Variants in GMDS observed in about 807,000 individuals in gnomAD.
The protein encoded by GMDS is GDP-mannose 4,6 dehydratase.
Under a neutral mutation model 49.9 loss-of-function variants are expected in GMDS, and 20 were observed. The observed-to-expected ratio is 0.40, with a 90% CI of 0.28 to 0.58. The LOEUF is 0.58. Ranked by LOEUF, GMDS falls within the 20% of genes least tolerant of loss-of-function variation. The probability of loss-of-function intolerance (pLI) is 0.42; values close to 1 mark genes in which losing one functional copy is unlikely to be tolerated. For missense variants in GMDS, 362 were observed against 481.4 expected, an observed-to-expected ratio of 0.75 and a Z score of 2.32; for synonymous variants, 177 against 178.6, an observed-to-expected ratio of 0.99 and a Z score of 0.07.
At chr6:2,195,493 C>T (rs1179458402) in intron 1 of GMDS, among the ~76,000 whole-genome samples, 2 of 152,136 alleles carry the variant, frequency 1.3e-5, no homozygotes, top group East Asian at 1.9e-4. Context: ...AAAGCAAATA[C>T]TTTGACATTT....
At chr6:1,750,518 G>C (rs746468800) in intron 7 of GMDS, among the ~76,000 whole-genome samples, 1 of 152,172 alleles carries the variant, frequency 6.6e-6, no homozygotes, top group Non-Finnish European at 1.5e-5. Context: ...GAAACCTTGA[G>C]GGACTGTGCC....
chr6:2,221,640 G>A (rs895594043), intron 1 of GMDS, among the ~76,000 whole-genome samples: 1 of 152,106 alleles, frequency 6.6e-6, no homozygotes, highest in Admixed American at 6.5e-5. Flanking sequence ...CGACTGCCTC[G>A]GCCTCCCAAA....
At chr6:1,738,184 TATACACACATAC>T (rs1442495225) in intron 8 of GMDS, among the ~76,000 whole-genome samples, 1 of 146,842 alleles carries the variant, frequency 6.8e-6, no homozygotes, top group African/African-American at 2.5e-5. Flanking sequence ...CACACACACA[TATACACACATAC>T]ACACACACAT....
chr6:2,038,015 C>T (rs1477873069), intron 4 of GMDS, among the ~76,000 whole-genome samples: 2 of 152,130 alleles, frequency 1.3e-5, no homozygotes, highest in African/African-American at 2.4e-5. Flanking sequence ...CCTTGGTACA[C>T]CATACTTTTA....
intron 9 of GMDS, among the ~76,000 whole-genome samples, chr6:1,708,414 G>A (rs764169715): frequency 7.2e-5 from 11 of 152,298 alleles, no homozygotes; most frequent in Admixed American, 2.0e-4. Context: ...CTCTGAAGGC[G>A]TTGTCAATAC....
At chr6:2,084,394 A>G (rs1448198497) in intron 4 of GMDS, among the ~76,000 whole-genome samples, 1 of 152,248 alleles carries the variant, frequency 6.6e-6, no homozygotes, top group Non-Finnish European at 1.5e-5. Context: ...TTGTTCAAGT[A>G]GCAGATGATG....
intron 9 of GMDS, among the ~76,000 whole-genome samples, chr6:1,644,275 A>G (rs1763423034): frequency 6.6e-6 from 1 of 152,208 alleles, no homozygotes; most frequent in African/African-American, 2.4e-5. Context: ...ATGGCACTGC[A>G]GCTGTGACTA....
chr6:1,967,987 T>C (rs1764363661), intron 4 of GMDS, among the ~76,000 whole-genome samples: 1 of 152,230 alleles, frequency 6.6e-6, no homozygotes, highest in Non-Finnish European at 1.5e-5. Context: ...AAATGGAATG[T>C]AAATCCCATG....
At chr6:2,057,819 G>T (rs1411227110) in intron 4 of GMDS, among the ~76,000 whole-genome samples, 3 of 152,166 alleles carry the variant, frequency 2.0e-5, no homozygotes, top group African/African-American at 4.8e-5. Flanking sequence ...TATCAATGCT[G>T]TCCAATAGCC....
At chr6:2,073,423 T>A (rs1212509889) in intron 4 of GMDS, among the ~76,000 whole-genome samples, 2 of 152,232 alleles carry the variant, frequency 1.3e-5, no homozygotes, top group African/African-American at 4.8e-5. Context: ...TTTTGCTACA[T>A]GTATAGAATG....
In GMDS at chr6:1,644,641, T is replaced by C. The variant is rs543236961; in HGVS notation, c.988-20101A>G. Among the ~76,000 whole-genome samples, 12 of 152,338 alleles carry C rather than the reference T, an allele frequency of 7.9e-5. 1 individual carries two copies. Among genetic ancestry groups the C allele is most frequent in the African/African-American group, 2.6e-4 (11 of 41,578 alleles). On this transcript the variant is annotated intron_variant, in intron 9 of 10. Transcript: ENST00000380815. ...TCCCACAGGGAGCTGCTCTAATCCC[T>C]GCTGCCCGCCCAGGAAGGAGATCCC...
chr6:2,094,576 A>AT (rs2127479532), intron 4 of GMDS, among the ~76,000 whole-genome samples: 1 of 152,094 alleles, frequency 6.6e-6, no homozygotes, highest in South Asian at 2.1e-4. Flanking sequence ...CTTGGAAAAA[A>AT]CGGAGCAGAT....
At position 1,656,083 on chromosome 6, in the gene GMDS, G is replaced by A. The variant is rs1030831243; in HGVS notation, c.988-31543C>T. On this transcript the variant is annotated intron_variant, in intron 9 of 10. Coordinates refer to ENST00000380815, the MANE Select transcript of GMDS (RefSeq NM_001500.4). Reference sequence around the variant, plus strand: ...GGAACCCAGAACACCTGTCTCCATGGCCCTGGCTCTAGGACATCTGCCAAA... The same window carrying A: ...GGAACCCAGAACACCTGTCTCCATGACCCTGGCTCTAGGACATCTGCCAAA... 3.9e-5 allele frequency among the ~76,000 whole-genome samples: 6 copies of A among 152,316 alleles called. No individual in the cohort carries two copies. The South Asian group carries it at 1.2e-3, about 32-fold the overall frequency.
intron 1 of GMDS, among the ~76,000 whole-genome samples, chr6:2,201,128 C>G (rs1779509980): frequency 7.2e-6 from 1 of 139,570 alleles, no homozygotes; most frequent in South Asian, 2.5e-4. Flanking sequence ...GAGAGAGCAC[C>G]ACATGAGCAT....
intron 7 of GMDS, among the ~76,000 whole-genome samples, chr6:1,821,228 C>G (rs902880579): frequency 2.0e-5 from 3 of 152,160 alleles, no homozygotes; most frequent in Non-Finnish European, 2.9e-5. Context: ...AATGGAAAAA[C>G]TCTCTTGCAT....
chr6:1,830,840 T>C (rs992492438), intron 7 of GMDS, among the ~76,000 whole-genome samples: 2 of 152,244 alleles, frequency 1.3e-5, no homozygotes, highest in Non-Finnish European at 2.9e-5. Flanking sequence ...GAAATATATA[T>C]AACTCTTAGA....
At chr6:2,022,129 T>A (rs1768313608) in intron 4 of GMDS, among the ~76,000 whole-genome samples, 1 of 152,068 alleles carries the variant, frequency 6.6e-6, no homozygotes, top group South Asian at 2.1e-4. Flanking sequence ...GCAACTCTTA[T>A]AAGCTGTACC....
chr6:2,186,202 C>G (rs1778771170), intron 1 of GMDS, among the ~76,000 whole-genome samples: 1 of 152,168 alleles, frequency 6.6e-6, no homozygotes, highest in Non-Finnish European at 1.5e-5. Flanking sequence ...AAAATGAAAT[C>G]TACTCATTTC....
chr6:2,127,946 C>A (rs1197311673), intron 1 of GMDS, among the ~76,000 whole-genome samples: 1 of 152,236 alleles, frequency 6.6e-6, no homozygotes, highest in Non-Finnish European at 1.5e-5. Flanking sequence ...AACAAACAGA[C>A]TAAATCTGTA....
Sources: allele counts gnomAD v4.1 joint callset (sites outside exome capture counted in the v4.1 genomes callset), GRCh38; gene constraint gnomAD v4.1.1; transcripts MANE v1.5; gene names NCBI Gene and HGNC (gene_info 2026-07-23, HGNC 2026-07-21).